Variants in PCDH9 observed in about 807,000 individuals in gnomAD.
PCDH9 encodes protocadherin 9.
PCDH9 carries 24 observed loss-of-function variants against 70.6 expected under a neutral mutation model. The ratio of observed to expected loss-of-function variants is 0.34; its 90% CI spans 0.25 to 0.48. The LOEUF is 0.48. PCDH9 is among the 20% of genes least tolerant of loss of function. The pLI is 0.99. For missense variants in PCDH9, 1,281 were observed against 1,503.6 expected (o/e 0.85, Z 2.45); for synonymous variants, 562 against 558.5 (o/e 1.01, Z -0.09).
At chr13:67,144,754 G>T (rs1033009590) in intron 2 of PCDH9, among the ~76,000 whole-genome samples, 2 of 152,076 alleles carry the variant, frequency 1.3e-5, no homozygotes, top group Admixed American at 6.6e-5. Context: ...GGTGAGTATG[G>T]TATACATTAA....
chr13:67,112,997 C>A (rs1437838070), intron 2 of PCDH9, among the ~76,000 whole-genome samples: 3 of 152,126 alleles, frequency 2.0e-5, no homozygotes, highest in Non-Finnish European at 4.4e-5. Context: ...AAGGCTTTTG[C>A]AAGATAATGT....
chr13:66,929,209 T>A (rs932083186), intron 2 of PCDH9, among the ~76,000 whole-genome samples: 1 of 152,050 alleles, frequency 6.6e-6, no homozygotes, highest in African/African-American at 2.4e-5. Context: ...AATAAATTTT[T>A]ATGCTCTTAT....
At chr13:66,323,709 C>T (rs1234767817) in intron 4 of PCDH9, 8 of 149,836 alleles carry the variant, frequency 5.3e-5, no homozygotes, top group East Asian at 3.9e-4. Flanking sequence ...AAACCTATGG[C>T]GGCATCACAT....
chr13:66,623,162 A>G (rs141285541), intron 4 of PCDH9, among the ~76,000 whole-genome samples: 206 of 152,362 alleles, frequency 1.4e-3, no homozygotes, highest in Admixed American at 4.8e-3. Flanking sequence ...TCATTCTTGA[A>G]GTCAGTCAGA....
At chr13:66,576,874 T>C (rs758453401) in intron 4 of PCDH9, among the ~76,000 whole-genome samples, 23 of 152,120 alleles carry the variant, frequency 1.5e-4, no homozygotes, top group Non-Finnish European at 3.2e-4. Flanking sequence ...AGTGAATTTA[T>C]TCAAAGGAAA....
intron 3 of PCDH9, among the ~76,000 whole-genome samples, chr13:66,636,062 C>T (rs919238701): frequency 1.3e-5 from 2 of 152,004 alleles, no homozygotes; most frequent in Admixed American, 6.6e-5. Flanking sequence ...AATTGAATTG[C>T]ATTTTTGTTA....
chr13:66,463,408 T>C (rs1958460094), intron 4 of PCDH9, among the ~76,000 whole-genome samples: 1 of 151,744 alleles, frequency 6.6e-6, no homozygotes, highest in African/African-American at 2.4e-5. Context: ...CAATTGTGCT[T>C]TATCACATAT....
intron 4 of PCDH9, among the ~76,000 whole-genome samples, chr13:66,558,988 T>C (rs1183254290): frequency 5.3e-5 from 8 of 152,186 alleles, no homozygotes; most frequent in Non-Finnish European, 1.2e-4. Flanking sequence ...AGAGCTGACA[T>C]GCACAGAGTT....
intron 2 of PCDH9, among the ~76,000 whole-genome samples, chr13:67,053,043 A>G (rs530258644): frequency 4.6e-5 from 7 of 152,254 alleles, no homozygotes; most frequent in African/African-American, 1.7e-4. Flanking sequence ...GTTTTGAGCT[A>G]CGGAATGCCT....
At chr13:66,694,518 A>G (rs898257941) in intron 3 of PCDH9, among the ~76,000 whole-genome samples, 1 of 152,188 alleles carries the variant, frequency 6.6e-6, no homozygotes, top group Non-Finnish European at 1.5e-5. Context: ...TAGGTTAAAA[A>G]ATATGACCCA....
intron 4 of PCDH9, among the ~76,000 whole-genome samples, chr13:66,436,402 T>C (rs937394602): frequency 6.6e-6 from 1 of 152,208 alleles, no homozygotes; most frequent in African/African-American, 2.4e-5. Context: ...AATGAATTTC[T>C]ATTCATTATA....
At chr13:66,332,788 T>G (rs895170401) in intron 4 of PCDH9, among the ~76,000 whole-genome samples, 2 of 151,632 alleles carry the variant, frequency 1.3e-5, no homozygotes, top group African/African-American at 4.8e-5. Context: ...TCACACTGTT[T>G]AGCACAACTC....
At chr13:66,979,022 A>T (rs1217663518) in intron 2 of PCDH9, among the ~76,000 whole-genome samples, 1 of 152,012 alleles carries the variant, frequency 6.6e-6, no homozygotes, top group African/African-American at 2.4e-5. Context: ...ACAACACAAA[A>T]TTATCTTTTA....
chr13:66,457,542 T>C (rs928872192), intron 4 of PCDH9, among the ~76,000 whole-genome samples: 2 of 152,102 alleles, frequency 1.3e-5, no homozygotes, highest in Non-Finnish European at 2.9e-5. Context: ...ATAACACTTA[T>C]GCCATTAATC....
At chr13:66,558,328 C>T (rs1192250802) in intron 4 of PCDH9, among the ~76,000 whole-genome samples, 1 of 151,842 alleles carries the variant, frequency 6.6e-6, no homozygotes, top group African/African-American at 2.4e-5. Context: ...TTAAAAAAGC[C>T]TTTTATGACA....
chr13:67,094,282 T>C (rs1198811448), intron 2 of PCDH9, among the ~76,000 whole-genome samples: 1 of 152,172 alleles, frequency 6.6e-6, no homozygotes, highest in Non-Finnish European at 1.5e-5. Flanking sequence ...TGTTTCAATT[T>C]CACATTCCCG....
intron 2 of PCDH9, among the ~76,000 whole-genome samples, chr13:66,970,651 A>T (rs1276637538): frequency 2.6e-5 from 4 of 150,982 alleles, no homozygotes; most frequent in African/African-American, 9.7e-5. Context: ...AAGCAAAAAA[A>T]AAAAAAATGC....
chr13:66,543,727 C>T (rs1001979525), intron 4 of PCDH9, among the ~76,000 whole-genome samples: 3 of 151,988 alleles, frequency 2.0e-5, no homozygotes, highest in Non-Finnish European at 2.9e-5. Flanking sequence ...CTTAAAAACC[C>T]AATCTTTCAA....
At chr13:66,922,243 T>G (rs554360956) in intron 2 of PCDH9, among the ~76,000 whole-genome samples, 1 of 151,516 alleles carries the variant, frequency 6.6e-6, no homozygotes, top group East Asian at 1.9e-4. Flanking sequence ...TATTAATATT[T>G]TATAAAAATG....
Sources: gnomAD v4.1 joint callset for allele counts (sites outside exome capture counted in the v4.1 genomes callset) on GRCh38, gnomAD v4.1.1 for gene constraint, MANE v1.5 for transcripts, NCBI Gene and HGNC (gene_info 2026-07-23, HGNC 2026-07-21) for gene names.